Variants in MYH13 observed in about 807,000 individuals in gnomAD.
The protein encoded by MYH13 is myosin heavy chain 13.
A neutral mutation model predicts 232.1 loss-of-function variants in MYH13; 177 were observed. The ratio of observed to expected loss-of-function variants is 0.76; its 90% CI spans 0.67 to 0.86. MYH13 has a LOEUF of 0.86. Among genes scored for constraint, MYH13 ranks in the 40% least tolerant of loss-of-function variants. The pLI, the probability that MYH13 is intolerant of heterozygous loss-of-function variation, is 0.00. For missense variants in MYH13, 2,246 were observed against 2,405.9 expected (o/e 0.93, Z 1.39); for synonymous variants, 884 against 923.5 (o/e 0.96, Z 0.78).
At chr17:10,346,586 G>T in intron 13 of MYH13, 94 bp downstream of exon 13, 1 of 940,332 alleles carries the variant, frequency 1.1e-6, no homozygotes, top group Non-Finnish European at 1.6e-6. Context: ...CTGATTTCAT[G>T]TGCATTTCTG....
chr17:10,348,713 C>T (rs2320796), intron 12 of MYH13, among the ~76,000 whole-genome samples: 90,615 of 151,630 alleles, frequency 0.6, 27,427 homozygotes, highest in East Asian at 0.83. Flanking sequence ...CTCAAGTTTT[C>T]CCACTTTTGG....
At chr17:10,344,135 A>C in intron 15 of MYH13, 26 bp from the exon 16 acceptor site, 1 of 1,611,610 alleles carries the variant, frequency 6.2e-7, no homozygotes, top group South Asian at 1.1e-5. Flanking sequence ...CAGAGTCTAC[A>C]TATAATAGTG....
chr17:10,337,417 G>A (rs551406259), intron 18 of MYH13, among the ~76,000 whole-genome samples: 94 of 152,288 alleles, frequency 6.2e-4, no homozygotes, highest in Admixed American at 1.3e-3. Flanking sequence ...TTCAGCAGGC[G>A]AGCAGAGGAC....
At position 10,360,044 on chromosome 17, in the gene MYH13, C is replaced by G; in HGVS notation, c.561G>C (p.Val187=). Residue 187 remains valine, a synonymous_variant, in exon 7 of 41, where the codon GTG becomes GTC. Transcript: ENST00000252172. ...ITGESGAGKT[V]NTKRVIQYFA... ...AATACTGGATGACACGCTTGGTGTT[C>G]ACAGTCTTCCCAGCCCCGGATTCTC... 6.2e-7 allele frequency: 1 copy of G among 1,614,078 alleles called. No individual in the cohort carries two copies. The highest frequency in any genetic ancestry group is 8.5e-7 in the Non-Finnish European group (1 of 1,180,020).
chr17:10,313,171 G>A lies in MYH13; in HGVS notation c.4168C>T (p.Leu1390=), dbSNP rs1471789421. The change falls in exon 30 of 41, where the codon CTG becomes TTG. Residue 1390 remains leucine (L), a synonymous_variant. Transcript: ENST00000252172. ...ETDAIQRTEE[L]EEAKKKLAQR... ...TGGAGCCCCTACTTGGCCTCCTCCA[G>A]CTCCTCTGTGCGCTGAATGGCGTCC... 3.1e-6 allele frequency: 5 copies of A among 1,614,122 alleles called. No homozygotes were observed. The East Asian group carries it at 1.1e-4, about 36-fold the overall frequency.
At position 10,360,045 on chromosome 17, in the gene MYH13, A is replaced by G. The variant is rs761332352; in HGVS notation, c.560T>C (p.Val187Ala). 10 of 1,614,106 alleles carry G rather than the reference A, an allele frequency of 6.2e-6. No individual in the cohort carries two copies. Among genetic ancestry groups the G allele is most frequent in the Non-Finnish European group, 8.5e-6 (10 of 1,180,016 alleles). ...ITGESGAGKT[V>A]NTKRVIQYFA... ...ATACTGGATGACACGCTTGGTGTTC[A>G]CAGTCTTCCCAGCCCCGGATTCTCC... Residue 187 changes from valine (V) to alanine (A), a missense_variant, in exon 7 of 41, where the codon GTG (valine) becomes GCG (alanine). Coordinates refer to ENST00000252172, the MANE Select transcript of MYH13 (RefSeq NM_003802.3).
intron 18 of MYH13, among the ~76,000 whole-genome samples, chr17:10,335,563 G>A (rs2071566868): frequency 6.6e-6 from 1 of 152,118 alleles, no homozygotes; most frequent in Admixed American, 6.6e-5. Context: ...GACCACCCTG[G>A]CCAACATGGT....
chr17:10,319,173 T>C lies in MYH13; in HGVS notation c.3355A>G (p.Ile1119Val), dbSNP rs1300113972. The C allele has an allele frequency of 6.2e-7, 1 of 1,613,504 alleles. No homozygotes were observed. Among genetic ancestry groups the C allele is most frequent in the South Asian group, 1.1e-5 (1 of 91,030 alleles). The change falls in exon 27 of 41, where the codon ATA becomes GTA. Residue 1119 changes from isoleucine (I) to valine (V), a missense_variant. By Grantham distance (29) the Ile-to-Val change is conservative. Coordinates refer to ENST00000252172, the MANE Select transcript of MYH13 (RefSeq NM_003802.3). ...QKKIKELQAR[I>V]EELEEEIEAE... ...TCAATTTCCTCCTCCAGCTCTTCTA[T>C]GCGGGCCTGAAAGGATTACTCTATC...
At chr17:10,322,903 G>A (rs1021277318) in intron 23 of MYH13, among the ~76,000 whole-genome samples, 6 of 152,098 alleles carry the variant, frequency 3.9e-5, no homozygotes, top group African/African-American at 1.4e-4. Context: ...AAAGTGCTGG[G>A]ATTACAGGCA....
chr17:10,354,631 T>C lies in MYH13; in HGVS notation c.1005+49A>G, dbSNP rs763943630. On this transcript the variant is annotated intron_variant, in intron 11 of 40. Transcript: ENST00000252172. ...GCTCACTAACGTGTCTCTCAGTTCA[T>C]AAACTCAATAATTCTGTGCATAAAC... is the stretch of plus-strand genomic sequence containing the variant. The C allele has an allele frequency of 4.2e-5, 65 of 1,539,892 alleles. No homozygotes were observed. The Admixed American group carries it at 9.6e-4, about 23-fold the overall frequency.
chr17:10,314,964 A>G (rs1285673921), intron 29 of MYH13, among the ~76,000 whole-genome samples: 1 of 152,222 alleles, frequency 6.6e-6, no homozygotes, highest in Non-Finnish European at 1.5e-5. Context: ...TCCCAAAACC[A>G]TGGAGCCTTC....
At chr17:10,346,325 T>C (rs1386662288) in intron 13 of MYH13, among the ~76,000 whole-genome samples, 1 of 152,082 alleles carries the variant, frequency 6.6e-6, no homozygotes, top group Non-Finnish European at 1.5e-5. Flanking sequence ...AACACAGAGA[T>C]ATAAACTTGG....
chr17:10,372,643 A>G (rs182666657), intron 1 of MYH13, among the ~76,000 whole-genome samples: 6 of 152,372 alleles, frequency 3.9e-5, no homozygotes, highest in Admixed American at 3.9e-4. Flanking sequence ...AAGAGATACC[A>G]CAAGTTACCA....
At chr17:10,335,035 G>A (rs1007800436) in intron 18 of MYH13, among the ~76,000 whole-genome samples, 4 of 152,016 alleles carry the variant, frequency 2.6e-5, no homozygotes, top group East Asian at 1.9e-4. Context: ...CTAGCTTCGC[G>A]GACTTGGCCT....
Position 10,343,765 on chromosome 17 carries a change from C to T in MYH13, c.1894+35G>A, listed in dbSNP as rs200502127. ...CTGGGTTAGGAGTCATTACATAGAA[C>T]GTCCCACAGAGGGAAAGAAATGATA... On this transcript the variant is annotated intron_variant, in intron 16 of 40. Coordinates refer to ENST00000252172, the MANE Select transcript of MYH13 (RefSeq NM_003802.3). The T allele has an allele frequency of 8.4e-5, 130 of 1,542,070 alleles. 2 individuals are homozygous for T. The Admixed American group carries it at 2.3e-3, about 27-fold the overall frequency.
At chr17:10,323,145 T>C (rs1003912516) in intron 23 of MYH13, among the ~76,000 whole-genome samples, 9 of 152,158 alleles carry the variant, frequency 5.9e-5, no homozygotes, top group Non-Finnish European at 1.3e-4. Flanking sequence ...ACATGTCGCC[T>C]TATGGACAGG....
In MYH13 at chr17:10,348,450, CATGTT is replaced by C. The variant is rs1478494355; in HGVS notation, c.1145-1657_1145-1653del. ...TAAAATGGGAGACAGTGACAATACT[CATGTT>C]ATACGGTTGTCGTGAAGCATGCCTG... On this transcript the variant is annotated intron_variant, in intron 12 of 40. Transcript: ENST00000252172. Among the ~76,000 whole-genome samples, 8 of 152,344 alleles carry C rather than the reference CATGTT, an allele frequency of 5.3e-5. No homozygotes were observed. In the East Asian group the frequency reaches 1.4e-3, roughly 26 times the overall value.
At chr17:10,344,993 C>T (rs1239724346) in intron 15 of MYH13, among the ~76,000 whole-genome samples, 1 of 152,038 alleles carries the variant, frequency 6.6e-6, no homozygotes, top group East Asian at 1.9e-4. Flanking sequence ...GATAACTGAG[C>T]CCTTGGATTT....
At chr17:10,366,267 C>G (rs1028623833) in intron 2 of MYH13, among the ~76,000 whole-genome samples, 1 of 151,988 alleles carries the variant, frequency 6.6e-6, no homozygotes, top group Non-Finnish European at 1.5e-5. Context: ...CTTCCCTTCT[C>G]TCCTCTTTTC....
Sources: allele counts gnomAD v4.1 joint callset (sites outside exome capture counted in the v4.1 genomes callset), GRCh38; gene constraint gnomAD v4.1.1; transcripts MANE v1.5; gene names NCBI Gene and HGNC (gene_info 2026-07-23, HGNC 2026-07-21).